The following CGNL1 variants were observed in gnomAD, a reference collection of about 807,000 sequenced individuals.
The protein encoded by CGNL1 is cingulin like 1.
In CGNL1, 132 loss-of-function variants were observed where a neutral mutation model predicts 141.2. The ratio of observed to expected loss-of-function variants is 0.93; its 90% CI spans 0.81 to 1.08. CGNL1 has a LOEUF of 1.08. CGNL1 is among the 50% of genes least tolerant of loss of function. The probability of loss-of-function intolerance (pLI) is 0.00; values close to 1 mark genes in which losing one functional copy is unlikely to be tolerated. For synonymous variants in CGNL1, 690 were observed against 622.1 expected (o/e 1.11, Z -1.63); for missense variants, 1,870 against 1,588.6 (o/e 1.18, Z -3.01).
intron 1 of CGNL1, among the ~76,000 whole-genome samples, chr15:57,427,031 G>C (rs1397725508): frequency 6.6e-6 from 1 of 152,068 alleles, no homozygotes; most frequent in Non-Finnish European, 1.5e-5. Flanking sequence ...AGTACCTGAG[G>C]GGCTGGTGAG....
intron 7 of CGNL1, among the ~76,000 whole-genome samples, chr15:57,458,372 T>C (rs2063405014): frequency 1.3e-5 from 2 of 152,238 alleles, no homozygotes; most frequent in South Asian, 4.1e-4. Context: ...GTCTCTACTC[T>C]GGAAAACTTC....
chr15:57,495,784 A>T (rs1196627016), intron 8 of CGNL1, among the ~76,000 whole-genome samples: 2 of 152,202 alleles, frequency 1.3e-5, no homozygotes, highest in Non-Finnish European at 2.9e-5. Context: ...CCTGATGTAG[A>T]TAGACTTTAA....
chr15:57,399,559 TC>T (rs1457763987), intron 1 of CGNL1, among the ~76,000 whole-genome samples: 7 of 151,904 alleles, frequency 4.6e-5, no homozygotes, highest in Admixed American at 3.3e-4. Context: ...TTTTTTTTTT[TC>T]CTAACAAAAT....
intron 5 of CGNL1, 116 bp downstream of exon 5, chr15:57,451,717 C>G: frequency 1.4e-6 from 1 of 705,226 alleles, no homozygotes; most frequent in South Asian, 2.0e-5. Flanking sequence ...CCAAAAGAAA[C>G]ATTCCTCTAA....
chr15:57,488,459 T>A (rs2063814166), intron 8 of CGNL1, among the ~76,000 whole-genome samples: 1 of 152,216 alleles, frequency 6.6e-6, no homozygotes, highest in Non-Finnish European at 1.5e-5. Context: ...AGAAACCATT[T>A]CCTCATCCAA....
chr15:57,436,471 C>T (rs1483261525), intron 1 of CGNL1, among the ~76,000 whole-genome samples: 1 of 152,158 alleles, frequency 6.6e-6, no homozygotes, highest in Non-Finnish European at 1.5e-5. Context: ...AGGGGTGCTC[C>T]TTATCCCAGG....
chr15:57,390,657 A>G (rs2062532604), intron 1 of CGNL1, among the ~76,000 whole-genome samples: 2 of 152,080 alleles, frequency 1.3e-5, no homozygotes, highest in Non-Finnish European at 2.9e-5. Context: ...GACTGGGTGA[A>G]AAATCATATG....
chr15:57,389,659 A>G (rs1323643452), intron 1 of CGNL1, among the ~76,000 whole-genome samples: 1 of 152,224 alleles, frequency 6.6e-6, no homozygotes, highest in African/African-American at 2.4e-5. Flanking sequence ...TTTGAATGAT[A>G]AATGGACTCA....
intron 4 of CGNL1, among the ~76,000 whole-genome samples, chr15:57,450,597 A>G (rs2063310911): frequency 6.6e-6 from 1 of 151,990 alleles, no homozygotes; most frequent in African/African-American, 2.4e-5. Flanking sequence ...TTAATTTGCA[A>G]TTTCCTAATG....
intron 8 of CGNL1, among the ~76,000 whole-genome samples, chr15:57,467,650 G>T (rs895281606): frequency 2.0e-5 from 3 of 151,550 alleles, no homozygotes; most frequent in African/African-American, 7.3e-5. Context: ...ATTTTTAAGG[G>T]GTGATAATAG....
At chr15:57,486,098 C>T (rs1274460696) in intron 8 of CGNL1, among the ~76,000 whole-genome samples, 1 of 152,140 alleles carries the variant, frequency 6.6e-6, no homozygotes, top group Non-Finnish European at 1.5e-5. Flanking sequence ...CTCAGGCAGG[C>T]TGAGGTGGTG....
chr15:57,500,331 G>A (rs186184316), intron 8 of CGNL1, among the ~76,000 whole-genome samples: 6 of 152,326 alleles, frequency 3.9e-5, no homozygotes, highest in African/African-American at 1.4e-4. Flanking sequence ...CCATTGTCAG[G>A]GAGTGGGAGA....
chr15:57,435,967 A>C (rs1331332950), intron 1 of CGNL1, among the ~76,000 whole-genome samples: 1 of 152,202 alleles, frequency 6.6e-6, no homozygotes, highest in African/African-American at 2.4e-5. Context: ...ACCACAATAC[A>C]GGTAGAGATT....
At chr15:57,509,042 A>G (rs2029980003) in intron 8 of CGNL1, among the ~76,000 whole-genome samples, 1 of 152,172 alleles carries the variant, frequency 6.6e-6, no homozygotes, top group African/African-American at 2.4e-5. Flanking sequence ...AGCTGAAGAC[A>G]CAATATGGGG....
chr15:57,544,394 T>A, intron 15 of CGNL1, 79 bp from the exon 16 acceptor site: 3 of 1,555,100 alleles, frequency 1.9e-6, no homozygotes, highest in Non-Finnish European at 2.6e-6. Flanking sequence ...AAACACCAGG[T>A]TCTGCCCCAT....
chr15:57,535,100 A>G (rs2032185482), intron 14 of CGNL1, among the ~76,000 whole-genome samples: 1 of 152,216 alleles, frequency 6.6e-6, no homozygotes, highest in African/African-American at 2.4e-5. Context: ...ACTGTAATGG[A>G]TGAGAGATTT....
At chr15:57,494,323 A>T (rs1275711879) in intron 8 of CGNL1, among the ~76,000 whole-genome samples, 1 of 152,158 alleles carries the variant, frequency 6.6e-6, no homozygotes, top group Non-Finnish European at 1.5e-5. Flanking sequence ...TTTGTTTATG[A>T]TGGAAGTACA....
At chr15:57,473,260 C>A (rs1378468038) in intron 8 of CGNL1, among the ~76,000 whole-genome samples, 1 of 152,162 alleles carries the variant, frequency 6.6e-6, no homozygotes, top group African/African-American at 2.4e-5. Flanking sequence ...CTCTGACCCT[C>A]TAAATTCTGC....
In CGNL1 at chr15:57,535,944, G is replaced by A. The variant is rs77372715; in HGVS notation, c.3291+4165G>A. Among the ~76,000 whole-genome samples, 61 of 152,212 alleles carry A rather than the reference G, an allele frequency of 4.0e-4. No individual in the cohort carries two copies. In the East Asian group the frequency reaches 0.012, roughly 29 times the overall value. ...TACATTTGGCACTCACTAAATGCTG[G>A]CCATGTTGTTTATAAGTTCCCAGCC... On this transcript the variant is annotated intron_variant, in intron 14 of 18. Coordinates refer to ENST00000281282, the MANE Select transcript of CGNL1 (RefSeq NM_032866.5).
Sources: gnomAD v4.1 joint callset for allele counts (sites outside exome capture counted in the v4.1 genomes callset) on GRCh38, gnomAD v4.1.1 for gene constraint, MANE v1.5 for transcripts, NCBI Gene and HGNC (gene_info 2026-07-23, HGNC 2026-07-21) for gene names.